Variants in FAF1 observed in about 807,000 individuals in gnomAD.
FAF1 encodes the protein Fas associated factor 1.
FAF1 carries 25 observed loss-of-function variants against 92.5 expected under a neutral mutation model. That is an observed-to-expected ratio of 0.27 (90% CI 0.20 to 0.38). FAF1 has a LOEUF of 0.38. Ranked by LOEUF, FAF1 falls within the 10% of genes least tolerant of loss-of-function variation. The pLI, the probability that FAF1 is intolerant of heterozygous loss-of-function variation, is 1.00. For missense variants in FAF1, 636 were observed against 793.3 expected, an observed-to-expected ratio of 0.80 and a Z score of 2.38; for synonymous variants, 234 against 273.2, an observed-to-expected ratio of 0.86 and a Z score of 1.42.
chr1:50,950,826 C>T (rs978542901), intron 1 of FAF1, among the ~76,000 whole-genome samples: 1 of 152,202 alleles, frequency 6.6e-6, no homozygotes, highest in African/African-American at 2.4e-5. Context: ...TTATTTTATA[C>T]GTAAGTTTCC....
At chr1:50,596,298 T>C in intron 8 of FAF1, 82 bp from the exon 9 acceptor site, 1 of 972,142 alleles carries the variant, frequency 1.0e-6, no homozygotes, top group Non-Finnish European at 1.6e-6. Context: ...GTATTTTCTA[T>C]TATTGCTGAA....
At chr1:50,881,635 G>A (rs987387145) in intron 1 of FAF1, among the ~76,000 whole-genome samples, 2 of 152,032 alleles carry the variant, frequency 1.3e-5, no homozygotes, top group African/African-American at 4.8e-5. Flanking sequence ...AGTATCAATC[G>A]GGAAGACCCT....
chr1:50,464,197 G>T (rs1646466624), intron 18 of FAF1, among the ~76,000 whole-genome samples: 1 of 151,910 alleles, frequency 6.6e-6, no homozygotes, highest in African/African-American at 2.4e-5. Context: ...AGAGATGGGG[G>T]TGTCTCTCTA....
intron 7 of FAF1, among the ~76,000 whole-genome samples, chr1:50,681,747 G>C (rs1297919245): frequency 6.6e-6 from 1 of 150,378 alleles, no homozygotes; most frequent in East Asian, 2.0e-4. Context: ...TCCAACTCCT[G>C]ACCTCAGGTG....
chr1:50,776,957 TA>T (rs201603938), intron 4 of FAF1, among the ~76,000 whole-genome samples: 24 of 151,164 alleles, frequency 1.6e-4, no homozygotes, highest in Middle Eastern at 3.4e-3. Context: ...TTTGGTGATT[TA>T]AAAAAAAATA....
intron 17 of FAF1, among the ~76,000 whole-genome samples, chr1:50,480,830 G>A (rs560071250): frequency 4.6e-5 from 7 of 152,130 alleles, no homozygotes; most frequent in African/African-American, 9.7e-5. Context: ...CCCCAGGCAC[G>A]TCCTTCAGAA....
At chr1:50,750,692 C>T (rs533353007) in intron 4 of FAF1, among the ~76,000 whole-genome samples, 4 of 150,070 alleles carry the variant, frequency 2.7e-5, no homozygotes, top group East Asian at 2.0e-4. Context: ...GGCGCAATCT[C>T]GGCCCACTGT....
chr1:50,712,715 G>A (rs576582113), intron 6 of FAF1, among the ~76,000 whole-genome samples: 16 of 152,246 alleles, frequency 1.1e-4, no homozygotes, highest in African/African-American at 3.9e-4. Context: ...TTGCTAAAAT[G>A]TTATCTAGGC....
At chr1:50,651,285 A>C (rs955067425) in intron 8 of FAF1, among the ~76,000 whole-genome samples, 1 of 152,162 alleles carries the variant, frequency 6.6e-6, no homozygotes, top group East Asian at 1.9e-4. Flanking sequence ...CTTCTTTTTT[A>C]AAAAAATAGC....
chr1:50,928,502 G>A (rs186359022), intron 1 of FAF1, among the ~76,000 whole-genome samples: 7 of 151,994 alleles, frequency 4.6e-5, no homozygotes, highest in Non-Finnish European at 7.4e-5. Context: ...TGAGGAAGGC[G>A]GCCAGGCGCA....
At chr1:50,840,200 G>A (rs1644244531) in intron 2 of FAF1, among the ~76,000 whole-genome samples, 2 of 151,882 alleles carry the variant, frequency 1.3e-5, no homozygotes, top group South Asian at 4.2e-4. Flanking sequence ...CTTGGTTAAG[G>A]AAAGGATTTC....
intron 2 of FAF1, chr1:50,846,821 C>T (rs1570044562): frequency 6.5e-6 from 4 of 618,050 alleles, no homozygotes; most frequent in Non-Finnish European, 8.8e-6. Flanking sequence ...AATTATATTA[C>T]ACAAAGAAGA....
intron 2 of FAF1, among the ~76,000 whole-genome samples, chr1:50,836,493 C>G (rs993358564): frequency 6.6e-6 from 1 of 151,976 alleles, no homozygotes; most frequent in African/African-American, 2.4e-5. Flanking sequence ...GTTGCACTGT[C>G]CTAATATTAC....
intron 1 of FAF1, among the ~76,000 whole-genome samples, chr1:50,909,070 G>A (rs1365185252): frequency 6.6e-6 from 1 of 152,092 alleles, no homozygotes; most frequent in Non-Finnish European, 1.5e-5. Context: ...GGTAGGCCTG[G>A]TGGTAACAAA....
At chr1:50,614,003 A>C (rs1034106486) in intron 8 of FAF1, among the ~76,000 whole-genome samples, 3 of 152,094 alleles carry the variant, frequency 2.0e-5, no homozygotes, top group Admixed American at 2.0e-4. Context: ...AGGCTGAGGC[A>C]GGAGAACTGC....
intron 15 of FAF1, among the ~76,000 whole-genome samples, chr1:50,530,684 T>C (rs1030466641): frequency 6.6e-6 from 1 of 152,182 alleles, no homozygotes; most frequent in Non-Finnish European, 1.5e-5. Context: ...AGGAGATGGA[T>C]ACCCCATTCT....
intron 8 of FAF1, among the ~76,000 whole-genome samples, chr1:50,602,116 G>A (rs1241017476): frequency 6.6e-6 from 1 of 152,146 alleles, no homozygotes; most frequent in African/African-American, 2.4e-5. Flanking sequence ...TCCTTGCTCT[G>A]CATGTGACAC....
chr1:50,441,641 G>A lies in FAF1; in HGVS notation c.1870-118C>T, dbSNP rs1572743154. 5.8e-6 allele frequency: 3 copies of A among 514,344 alleles called. No homozygotes were observed. In the East Asian group the frequency reaches 9.9e-5, roughly 17 times the overall value. The allele number at this position is 514,344 out of a possible 1,614,324, so 31.9% of individuals were successfully genotyped here. A position where few individuals can be genotyped will look rare whatever the true frequency, so the allele number is the denominator to read the frequency against. On this transcript the variant is annotated intron_variant, in intron 18 of 18. Coordinates refer to ENST00000396153, the MANE Select transcript of FAF1 (RefSeq NM_007051.3). ...ACTATGCACTGGCACGAAGAGTCTC[G>A]CAGTATCTTAGTTGATCTTCAAAAT...
intron 5 of FAF1, among the ~76,000 whole-genome samples, chr1:50,741,346 T>C (rs1396567030): frequency 6.6e-6 from 1 of 152,180 alleles, no homozygotes; most frequent in Non-Finnish European, 1.5e-5. Context: ...GGCTGGAACA[T>C]GGAAAGTGAG....
Sources: gnomAD v4.1 joint callset for allele counts (sites outside exome capture counted in the v4.1 genomes callset) on GRCh38, gnomAD v4.1.1 for gene constraint, MANE v1.5 for transcripts, NCBI Gene and HGNC (gene_info 2026-07-23, HGNC 2026-07-21) for gene names.